Variants in PHC2 observed in about 807,000 individuals in gnomAD.
PHC2 encodes the protein polyhomeotic homolog 2.
A neutral mutation model predicts 87.4 loss-of-function variants in PHC2; 29 were observed. The observed-to-expected ratio is 0.33, with a 90% confidence interval of 0.25 to 0.45. The LOEUF (loss-of-function observed/expected upper bound fraction) is 0.45, where lower values mean the gene tolerates loss of function less well. PHC2 is among the 20% of genes least tolerant of loss of function. The pLI is 1.00. For missense variants in PHC2, 857 were observed against 1,136.7 expected (o/e 0.75, Z 3.54); for synonymous variants, 438 against 461.7 (o/e 0.95, Z 0.66).
rs147330538 is a variant in PHC2, at chr1:33,334,257, G to A, written c.1594C>T (p.Leu532Phe). The change falls in exon 10 of 15, where the codon CTC becomes TTC. Residue 532 changes from leucine to phenylalanine, a missense_variant. Physicochemically the swap from Leu to Phe is conservative, Grantham distance 22 (BLOSUM62 0). This residue lies in a region of PHC2 where 832 missense variants were observed against 1,081.8 expected (regional missense o/e 0.77). Transcript: ENST00000683057. The surrounding 1 kb of genome is among the most constrained non-coding windows in gnomAD (Gnocchi z 5.5). ...GQGIVHALTD[L>F]SSPGMTSGNG... ...CCTGAGGTCATGCCGGGGCTGCTGA[G>A]GTCGGTCAGTGCATGAACAATGCCC... 1.3e-3 allele frequency: 2,030 copies of A among 1,612,132 alleles called. 3 individuals carry two copies. The highest frequency in any genetic ancestry group is 1.5e-3 in the Non-Finnish European group (1,811 of 1,179,454).
At chr1:33,422,338 G>A (rs985967160) in intron 1 of PHC2, among the ~76,000 whole-genome samples, 1 of 152,306 alleles carries the variant, frequency 6.6e-6, no homozygotes, top group South Asian at 2.1e-4. Context: ...CCAGCTGCTA[G>A]AGTGAGGTAT....
At chr1:33,345,522 G>C (rs565287945) in intron 9 of PHC2, 2 of 984,220 alleles carry the variant, frequency 2.0e-6, no homozygotes, top group Middle Eastern at 5.2e-4. Context: ...AAAAAACCTT[G>C]AAGTTTTCTA....
chr1:33,339,312 A>C (rs920531921), intron 9 of PHC2, among the ~76,000 whole-genome samples: 2 of 152,182 alleles, frequency 1.3e-5, no homozygotes, highest in Non-Finnish European at 2.9e-5. Context: ...GCCTAGTGCC[A>C]AGATAAGCAA....
intron 1 of PHC2, among the ~76,000 whole-genome samples, chr1:33,427,846 T>C (rs1278126483): frequency 6.6e-6 from 1 of 152,220 alleles, no homozygotes; most frequent in Non-Finnish European, 1.5e-5. Context: ...GATGGTTCTC[T>C]TGCTTCTTTT....
intron 1 of PHC2, among the ~76,000 whole-genome samples, chr1:33,393,148 CT>C: frequency 6.6e-6 from 1 of 152,272 alleles, no homozygotes; most frequent in Admixed American, 6.5e-5. Flanking sequence ...ATCATTTTCC[CT>C]GGATCTTTGT....
At chr1:33,405,116 T>G (rs931579190) in intron 1 of PHC2, among the ~76,000 whole-genome samples, 9 of 152,358 alleles carry the variant, frequency 5.9e-5, no homozygotes, top group Admixed American at 3.3e-4. Context: ...GTCTTCCTTT[T>G]CATTCCTGAT....
intron 1 of PHC2, among the ~76,000 whole-genome samples, chr1:33,410,687 G>A (rs1399896983): frequency 1.3e-5 from 2 of 152,244 alleles, no homozygotes; most frequent in East Asian, 3.9e-4. Flanking sequence ...AAACCTTAAT[G>A]GAAGATTAAA....
At chr1:33,422,158 T>C (rs1281302217) in intron 1 of PHC2, among the ~76,000 whole-genome samples, 2 of 152,206 alleles carry the variant, frequency 1.3e-5, no homozygotes, top group African/African-American at 2.4e-5. Flanking sequence ...GCTGAGAAGC[T>C]TCCTCTTACC....
At chr1:33,354,607 A>AGCC (rs771031186) in intron 8 of PHC2, 41 bp from the exon 9 acceptor site, 3 of 1,580,608 alleles carry the variant, frequency 1.9e-6, no homozygotes, top group Non-Finnish European at 2.6e-6. Context: ...TCTCAGAAAT[A>AGCC]GCCTTTGCAT....
intron 1 of PHC2, among the ~76,000 whole-genome samples, chr1:33,387,459 A>G (rs183925393): frequency 8.5e-4 from 130 of 152,328 alleles, no homozygotes; most frequent in African/African-American, 2.5e-3. Flanking sequence ...TCCCATCACA[A>G]GGGCCTTAAT....
chr1:33,364,023 T>G lies in PHC2; in HGVS notation c.976+3093A>C. The G allele has an allele frequency of 2.5e-6, 1 of 402,834 alleles. No homozygotes were observed. Among genetic ancestry groups the G allele is most frequent in the Non-Finnish European group, 3.3e-6 (1 of 298,918 alleles). 25.0% of individuals were successfully genotyped at this position (402,834 alleles called of 1,614,324 possible). On this transcript the variant is annotated intron_variant, in intron 7 of 14. Coordinates refer to ENST00000683057, the MANE Select transcript of PHC2 (RefSeq NM_001385109.1). This position sits in a 1 kb window ranked among gnomAD's most constrained non-coding sequence, Gnocchi z 4.1. ...TCCCCCACCTGCTCCCCCACCCCTATTCTCGGCATAAGGGACCTTTTCTAT... is the reference window on the plus strand; with the variant it reads ...TCCCCCACCTGCTCCCCCACCCCTAGTCTCGGCATAAGGGACCTTTTCTAT...
At chr1:33,350,065 C>G (rs1341037488) in intron 9 of PHC2, among the ~76,000 whole-genome samples, 2 of 151,016 alleles carry the variant, frequency 1.3e-5, no homozygotes, top group Admixed American at 6.6e-5. Context: ...TAGGGACGCC[C>G]GGGGCTCAGC....
At chr1:33,356,267 A>ACG (rs1235415120) in intron 7 of PHC2, among the ~76,000 whole-genome samples, 128 of 92,752 alleles carry the variant, frequency 1.4e-3, no homozygotes, top group Non-Finnish European at 2.6e-3. Flanking sequence ...ATATATATAT[A>ACG]TATATATATG....
Position 33,372,393 on chromosome 1 carries a change from G to C in PHC2, c.229C>G (p.Gln77Glu), listed in dbSNP as rs771525735. 2.5e-6 allele frequency: 4 copies of C among 1,608,028 alleles called. No homozygotes were observed. Among genetic ancestry groups the C allele is most frequent in the Non-Finnish European group, 1.7e-6 (2 of 1,176,618 alleles). The change falls in exon 3 of 15, where the codon CAG becomes GAG. Residue 77 changes from glutamine (Q) to glutamate (E), a missense_variant. Physicochemically the swap from Gln to Glu is conservative, Grantham distance 29 (BLOSUM62 2). Around this residue, in one of 3 missense-constraint regions of PHC2, gnomAD observed 832 missense variants for 1,081.8 expected, o/e 0.77. Coordinates refer to ENST00000683057, the MANE Select transcript of PHC2 (RefSeq NM_001385109.1). ...TGCTGCTGCTGGGCGGCGTACATCT[G>C]CTGCAGGTACTGAGCGGCCGTGCTG... The part of the protein sequence containing the change: ...QPSTAAQYLQ[Q>E]MYAAQQQHLM...
At chr1:33,340,613 A>C (rs536478211) in intron 9 of PHC2, among the ~76,000 whole-genome samples, 1 of 152,300 alleles carries the variant, frequency 6.6e-6, no homozygotes, top group East Asian at 1.9e-4. Context: ...TTGGGCCCCC[A>C]AAGAAATTAA....
intron 1 of PHC2, among the ~76,000 whole-genome samples, chr1:33,401,796 C>A (rs1157126676): frequency 6.6e-6 from 1 of 152,042 alleles, no homozygotes; most frequent in Non-Finnish European, 1.5e-5. Flanking sequence ...TATGGGAAAA[C>A]CAGGCATCCA....
intron 1 of PHC2, 47 bp from the exon 2 acceptor site, chr1:33,375,640 G>A: frequency 8.1e-7 from 1 of 1,231,496 alleles, no homozygotes; most frequent in Non-Finnish European, 1.1e-6. Flanking sequence ...ACGCTTACTA[G>A]AGAATGTTCA....
At chr1:33,404,897 T>G (rs1364725003) in intron 1 of PHC2, among the ~76,000 whole-genome samples, 1 of 152,204 alleles carries the variant, frequency 6.6e-6, no homozygotes, top group Non-Finnish European at 1.5e-5. Flanking sequence ...AGTCATTGCA[T>G]TACTTTGCAT....
Position 33,354,576 on chromosome 1 carries a change from G to A in PHC2, c.1393-10C>T. The A allele has an allele frequency of 6.2e-7, 1 of 1,610,706 alleles. No individual in the cohort carries two copies. The highest frequency in any genetic ancestry group is 8.5e-7 in the Non-Finnish European group (1 of 1,178,246). On this transcript the variant is annotated splice_polypyrimidine_tract_variant and intron_variant, in intron 8 of 14. Transcript: ENST00000683057. The stretch of plus-strand genomic sequence containing the variant: ...GGACACACTGCTGGGGCTGTCAAAG[G>A]ACAGGACAGAGAGGGGGGCCTCTCA...
Sources: allele counts gnomAD v4.1 joint callset (sites outside exome capture counted in the v4.1 genomes callset), GRCh38; gene constraint gnomAD v4.1.1; regional missense constraint gnomAD v4.1.1; non-coding constraint Gnocchi (gnomAD v3.1); transcripts MANE v1.5; gene names NCBI Gene and HGNC (gene_info 2026-07-23, HGNC 2026-07-21).